P4HA1: variants seen among roughly 807,000 people sequenced by gnomAD.
P4HA1 encodes the protein prolyl 4-hydroxylase subunit alpha-1.
Under a neutral mutation model 72.8 loss-of-function variants are expected in P4HA1, and 24 were observed. That is an observed-to-expected ratio of 0.33 (90% CI 0.24 to 0.46). The LOEUF is 0.46. Among genes scored for constraint, P4HA1 ranks in the 20% least tolerant of loss-of-function variants. The pLI, the probability that P4HA1 is intolerant of heterozygous loss-of-function variation, is 1.00. For missense variants in P4HA1, 446 were observed against 640.6 expected, an observed-to-expected ratio of 0.70 and a Z score of 3.28; for synonymous variants, 201 against 218.8, an observed-to-expected ratio of 0.92 and a Z score of 0.72.
Position 73,077,246 on chromosome 10 carries a change from G to A in P4HA1, c.-32-2331C>T, listed in dbSNP as rs918006200. Among the ~76,000 whole-genome samples the A allele has an allele frequency of 7.2e-5, 11 of 152,198 alleles. 1 individual carries two copies. In the East Asian group the frequency reaches 1.7e-3, roughly 24 times the overall value. ...TCTTCATGGATAAATGCTATTTGCA[G>A]AAAATACAAATGTTTTCACTGTTAA... On this transcript the variant is annotated intron_variant, in intron 1 of 14. Coordinates refer to ENST00000394890, the MANE Select transcript of P4HA1 (RefSeq NM_001017962.3).
chr10:73,071,700 T>C (rs1296882852), intron 4 of P4HA1, among the ~76,000 whole-genome samples: 1 of 152,018 alleles, frequency 6.6e-6, no homozygotes, highest in Non-Finnish European at 1.5e-5. Context: ...TTTTTTTAAA[T>C]TGATTGCAGA....
intron 8 of P4HA1, among the ~76,000 whole-genome samples, chr10:73,045,616 TAAATGTTAAA>T (rs1456470859): frequency 6.6e-6 from 1 of 152,164 alleles, no homozygotes; most frequent in Admixed American, 6.5e-5. Flanking sequence ...AAAGAGCTCA[TAAATGTTAAA>T]AACAGCAAGA....
At chr10:73,026,050 A>G (rs982467418) in intron 10 of P4HA1, among the ~76,000 whole-genome samples, 3 of 152,208 alleles carry the variant, frequency 2.0e-5, no homozygotes, top group Non-Finnish European at 4.4e-5. Context: ...TTACAGATTC[A>G]ATGCCATCCC....
At chr10:73,025,766 C>G (rs951041278) in intron 10 of P4HA1, among the ~76,000 whole-genome samples, 13 of 152,214 alleles carry the variant, frequency 8.5e-5, no homozygotes, top group Admixed American at 1.3e-4. Context: ...TCAGCAAAGT[C>G]TCAGGATACA....
chr10:73,060,093 C>T (rs12260461), intron 5 of P4HA1, among the ~76,000 whole-genome samples: 4,484 of 152,028 alleles, frequency 0.029, 208 homozygotes, highest in African/African-American at 0.096. Flanking sequence ...GTCTTTAAAA[C>T]AAGATTTTGA....
chr10:73,086,742 G>A (rs911972114), intron 1 of P4HA1, among the ~76,000 whole-genome samples: 9 of 152,018 alleles, frequency 5.9e-5, no homozygotes, highest in Admixed American at 2.0e-4. Flanking sequence ...AGACCAACCT[G>A]GCCAACATGG....
chr10:73,021,147 A>AT (rs1840125894), intron 10 of P4HA1, among the ~76,000 whole-genome samples: 3 of 144,244 alleles, frequency 2.1e-5, no homozygotes, highest in Admixed American at 6.7e-5. Flanking sequence ...GAAAAAACAA[A>AT]CAAAAAAACC....
rs200112384 is a variant in P4HA1 at position 73,069,810 on chromosome 10, TG to T, written c.326-828del. 1.6e-4 allele frequency among the ~76,000 whole-genome samples: 24 copies of T among 151,296 alleles called. 1 individual carries two copies. Among genetic ancestry groups the T allele is most frequent in the East Asian group, 5.8e-4 (3 of 5,158 alleles). ...CTCATTAACTTATAATCAACTGTTTTGTTTTTTTTTTTTTGAGACAGTCTCA... is the reference window on the plus strand; with the variant it reads ...CTCATTAACTTATAATCAACTGTTTTTTTTTTTTTTTTTGAGACAGTCTCA... On this transcript the variant is annotated intron_variant, in intron 4 of 14. Coordinates refer to ENST00000394890, the MANE Select transcript of P4HA1 (RefSeq NM_001017962.3).
At chr10:73,061,570 G>C (rs142478770) in intron 5 of P4HA1, among the ~76,000 whole-genome samples, 2 of 152,274 alleles carry the variant, frequency 1.3e-5, no homozygotes, top group East Asian at 3.9e-4. Context: ...CTGTCGATTT[G>C]TTAAGCAGGG....
chr10:73,037,567 ATATATTTTTT>A (rs1430208614), intron 9 of P4HA1, among the ~76,000 whole-genome samples: 11 of 29,000 alleles, frequency 3.8e-4, no homozygotes, highest in African/African-American at 2.8e-4. Context: ...ATATATATAT[ATATATTTTTT>A]TTTTTTTTTT....
intron 7 of P4HA1, among the ~76,000 whole-genome samples, chr10:73,050,129 G>A (rs1011133276): frequency 3.4e-5 from 5 of 149,066 alleles, no homozygotes; most frequent in African/African-American, 7.4e-5. Context: ...CTGCGCTACC[G>A]CATTCCAGCC....
At chr10:73,041,400 G>A (rs1018969853) in intron 9 of P4HA1, among the ~76,000 whole-genome samples, 8 of 151,920 alleles carry the variant, frequency 5.3e-5, no homozygotes, top group African/African-American at 1.7e-4. Context: ...AAAATTAGCC[G>A]GGCAGCAGCG....
At chr10:73,055,807 TTTA>T (rs1444766080) in intron 5 of P4HA1, among the ~76,000 whole-genome samples, 51 of 152,230 alleles carry the variant, frequency 3.4e-4, no homozygotes, top group African/African-American at 1.2e-3. Context: ...ATGGCCTAGA[TTTA>T]TTGAGGTCTT....
At chr10:73,057,165 G>A (rs544776216) in intron 5 of P4HA1, among the ~76,000 whole-genome samples, 1 of 151,850 alleles carries the variant, frequency 6.6e-6, no homozygotes, top group East Asian at 1.9e-4. Context: ...GAATGCAGTA[G>A]AGAGAGATAA....
chr10:73,084,283 T>A (rs937172216), intron 1 of P4HA1, among the ~76,000 whole-genome samples: 46 of 152,236 alleles, frequency 3.0e-4, no homozygotes, highest in African/African-American at 1.0e-3. Context: ...GAAGTTTTCA[T>A]GAAACTTCAT....
intron 9 of P4HA1, among the ~76,000 whole-genome samples, chr10:73,037,350 C>T (rs1010116017): frequency 1.4e-5 from 2 of 147,430 alleles, no homozygotes; most frequent in African/African-American, 5.0e-5. Flanking sequence ...TAAAATACCA[C>T]TAGAATGCGC....
intron 10 of P4HA1, among the ~76,000 whole-genome samples, chr10:73,021,011 T>C (rs955675989): frequency 3.9e-5 from 6 of 152,268 alleles, no homozygotes; most frequent in African/African-American, 1.2e-4. Flanking sequence ...GGCAGGGGCC[T>C]GTAATCCCAG....
chr10:73,077,327 A>G (rs899792665), intron 1 of P4HA1, among the ~76,000 whole-genome samples: 5 of 152,236 alleles, frequency 3.3e-5, no homozygotes, highest in Admixed American at 6.5e-5. Context: ...GAGAGTTTAG[A>G]TTTGTCAGAA....
chr10:73,087,267 TA>T (rs369383750), intron 1 of P4HA1, among the ~76,000 whole-genome samples: 30 of 147,120 alleles, frequency 2.0e-4, no homozygotes, highest in African/African-American at 5.8e-4. Flanking sequence ...TTAATGCCTT[TA>T]TTTTTTTTTT....
Sources: gnomAD v4.1 joint callset for allele counts (sites outside exome capture counted in the v4.1 genomes callset) on GRCh38, gnomAD v4.1.1 for gene constraint, MANE v1.5 for transcripts, NCBI Gene and HGNC (gene_info 2026-07-23, HGNC 2026-07-21) for gene names.